Variants in NCOA6 observed in about 807,000 individuals in gnomAD.
NCOA6 encodes nuclear receptor coactivator 6.
Under a neutral mutation model 171.4 loss-of-function variants are expected in NCOA6, and 49 were observed. That is an observed-to-expected ratio of 0.29 (90% CI 0.23 to 0.36). The LOEUF is 0.36. NCOA6 is among the 10% of genes least tolerant of loss of function. The pLI, the probability that NCOA6 is intolerant of heterozygous loss-of-function variation, is 1.00. For missense variants in NCOA6, 2,248 were observed against 2,554.5 expected (o/e 0.88, Z 2.59); for synonymous variants, 910 against 927.5 (o/e 0.98, Z 0.34).
intron 2 of NCOA6, among the ~76,000 whole-genome samples, chr20:34,783,141 C>T (rs1348530318): frequency 6.6e-6 from 1 of 151,832 alleles, no homozygotes; most frequent in African/African-American, 2.4e-5. Flanking sequence ...ATAAGCTGGA[C>T]ATGGTGGTGT....
At chr20:34,758,743 T>G in intron 6 of NCOA6, 62 bp downstream of exon 6, 1 of 1,555,008 alleles carries the variant, frequency 6.4e-7, no homozygotes, top group Non-Finnish European at 8.7e-7. Flanking sequence ...GATAACTGAA[T>G]TTTATAATGA....
At chr20:34,799,783 C>T (rs561941861) in intron 1 of NCOA6, among the ~76,000 whole-genome samples, 1 of 152,178 alleles carries the variant, frequency 6.6e-6, no homozygotes, top group South Asian at 2.1e-4. Flanking sequence ...GAAATAAAGA[C>T]TTTCCCAAAC....
Position 34,743,167 on chromosome 20 carries a change from T to C in NCOA6, c.3089A>G (p.Gln1030Arg). Residue 1030 changes from glutamine (Q) to arginine (R), a missense_variant, in exon 11 of 15, where the codon CAG becomes CGG. Around this residue, in one of 7 missense-constraint regions of NCOA6, gnomAD observed 352 missense variants for 419.1 expected, o/e 0.84. Transcript: ENST00000359003. ...QPQSQQQQQQ[Q>R]QQMMMMLMMQ... ...CATGAGCATCATCATCATTTGTTGC[T>C]GCTGCTGCTGCTGCTGCTGAGACTG... is the stretch of plus-strand genomic sequence containing the variant. The C allele has an allele frequency of 6.2e-7, 1 of 1,613,066 alleles. No individual in the cohort carries two copies. Among genetic ancestry groups the C allele is most frequent in the Non-Finnish European group, 8.5e-7 (1 of 1,179,344 alleles).
At chr20:34,815,400 T>TA (rs967247082) in intron 1 of NCOA6, among the ~76,000 whole-genome samples, 2 of 151,842 alleles carry the variant, frequency 1.3e-5, no homozygotes, top group South Asian at 4.2e-4. Context: ...AATTTAAAAA[T>TA]AAAAAGACAC....
chr20:34,768,488 C>G lies in NCOA6; in HGVS notation c.490G>C (p.Gly164Arg), dbSNP rs1467272587. ...GAGNSVRMEA[G>R]FPMASGPGII... ...CCTGGACCACTTGCCATAGGAAATC[C>G]CGCCTCCATCCTAACTGAATTTCCA... Residue 164 changes from glycine to arginine, a missense_variant, in exon 5 of 15, where the codon GGA becomes CGA. Around this residue, in one of 7 missense-constraint regions of NCOA6, gnomAD observed 987 missense variants for 1,104.7 expected, o/e 0.89. Transcript: ENST00000359003. 2 of 1,614,022 alleles carry G rather than the reference C, an allele frequency of 1.2e-6. No homozygotes were observed. Among genetic ancestry groups the G allele is most frequent in the Non-Finnish European group, 8.5e-7 (1 of 1,179,988 alleles).
intron 14 of NCOA6, among the ~76,000 whole-genome samples, chr20:34,719,011 G>T (rs1278946275): frequency 6.6e-6 from 1 of 152,200 alleles, no homozygotes; most frequent in Non-Finnish European, 1.5e-5. Context: ...CTCTAGCAGT[G>T]TAGTCAAATC....
At chr20:34,761,057 A>G (rs2076801432) in intron 5 of NCOA6, among the ~76,000 whole-genome samples, 1 of 152,090 alleles carries the variant, frequency 6.6e-6, no homozygotes, top group Non-Finnish European at 1.5e-5. Flanking sequence ...CCCTGTCTCT[A>G]GTAAAAATAC....
At chr20:34,725,825 T>C (rs1600738094) in intron 14 of NCOA6, among the ~76,000 whole-genome samples, 1 of 152,116 alleles carries the variant, frequency 6.6e-6, no homozygotes, top group African/African-American at 2.4e-5. Context: ...AGTTTGGTTT[T>C]AGATATGTTG....
chr20:34,718,991 A>AT lies in NCOA6; in HGVS notation c.6149-3627dup, dbSNP rs1329869434. ...TTAGTGTCTCTTAACAGATAGACAA[A>AT]TAGTTCAAACTCTAGCAGTGTAGTC... On this transcript the variant is annotated intron_variant, in intron 14 of 14. Transcript: ENST00000359003. Among the ~76,000 whole-genome samples the AT allele has an allele frequency of 2.6e-5, 4 of 152,242 alleles. No homozygotes were observed. The East Asian group carries it at 7.7e-4, about 29-fold the overall frequency.
intron 11 of NCOA6, among the ~76,000 whole-genome samples, chr20:34,738,539 C>A (rs114517501): frequency 6.6e-6 from 1 of 152,182 alleles, no homozygotes; most frequent in Admixed American, 6.5e-5. Context: ...GAACAATATA[C>A]AATAAGCACC....
rs1390167320 is a variant in NCOA6, at chr20:34,715,199, G to A, written c.*123C>T. 7.6e-7 allele frequency: 1 copy of A among 1,323,712 alleles called. No homozygotes were observed. The highest frequency in any genetic ancestry group is 1.1e-6 in the Non-Finnish European group (1 of 935,168). The allele number at this position is 1,323,712 out of a possible 1,614,324, so 82.0% of individuals were successfully genotyped here. A position where few individuals can be genotyped will look rare whatever the true frequency, so the allele number is the denominator to read the frequency against. ...TTATGAAACAGGTTGCAGGGACTAG[G>A]AAAAGGGCCACATTATTAAAATTAC... On this transcript the variant is annotated 3_prime_UTR_variant, in exon 15 of 15. Transcript: ENST00000359003.
chr20:34,724,850 G>A (rs934957910), intron 14 of NCOA6, among the ~76,000 whole-genome samples: 14 of 150,500 alleles, frequency 9.3e-5, no homozygotes, highest in Non-Finnish European at 1.5e-4. Flanking sequence ...ACACAATGAC[G>A]CGATCTTGGC....
intron 8 of NCOA6, among the ~76,000 whole-genome samples, chr20:34,752,726 C>T (rs1057005758): frequency 2.6e-5 from 4 of 151,854 alleles, no homozygotes; most frequent in Admixed American, 6.6e-5. Flanking sequence ...GTCAGGAGTT[C>T]GAGACCAGCC....
chr20:34,728,936 C>T (rs1269352546), intron 13 of NCOA6, among the ~76,000 whole-genome samples: 2 of 152,054 alleles, frequency 1.3e-5, no homozygotes, highest in Non-Finnish European at 2.9e-5. Flanking sequence ...GAGCTATATA[C>T]ACATAAATCT....
At chr20:34,729,351 T>G (rs1440267865) in intron 13 of NCOA6, among the ~76,000 whole-genome samples, 1 of 152,220 alleles carries the variant, frequency 6.6e-6, no homozygotes, top group East Asian at 1.9e-4. Context: ...ATTGTTGAGT[T>G]GTAGGAATAC....
chr20:34,805,351 G>A (rs995653297), intron 1 of NCOA6, among the ~76,000 whole-genome samples: 9 of 151,926 alleles, frequency 5.9e-5, no homozygotes, highest in South Asian at 4.1e-4. Flanking sequence ...CCTATTCTAC[G>A]ATCTACTTCT....
chr20:34,730,608 G>C (rs1990491962), intron 13 of NCOA6, among the ~76,000 whole-genome samples: 1 of 152,028 alleles, frequency 6.6e-6, no homozygotes, highest in East Asian at 1.9e-4. Flanking sequence ...CAGACAGGCA[G>C]AGTGGTATAG....
chr20:34,813,110 G>T (rs7262834), intron 1 of NCOA6, among the ~76,000 whole-genome samples: 49,863 of 150,236 alleles, frequency 0.33, 8,809 homozygotes, highest in Middle Eastern at 0.42. Context: ...AGTGAGTCGA[G>T]ATCACGCCAT....
intron 2 of NCOA6, among the ~76,000 whole-genome samples, chr20:34,783,865 C>T (rs2077584586): frequency 6.6e-6 from 1 of 152,146 alleles, no homozygotes; most frequent in South Asian, 2.1e-4. Flanking sequence ...CTCAAGCAAG[C>T]CATTCACCTT....
Sources: gnomAD v4.1 joint callset for allele counts (sites outside exome capture counted in the v4.1 genomes callset) on GRCh38, gnomAD v4.1.1 for gene constraint, gnomAD v4.1.1 regional missense constraint, MANE v1.5 for transcripts, NCBI Gene and HGNC (gene_info 2026-07-23, HGNC 2026-07-21) for gene names.